GNA14: variants seen among roughly 807,000 people sequenced by gnomAD.
GNA14 encodes G protein subunit alpha 14.
Under a neutral mutation model 42.0 loss-of-function variants are expected in GNA14, and 50 were observed. That is an observed-to-expected ratio of 1.19 (90% CI 0.95 to 1.51). GNA14 has a LOEUF of 1.51. Ranked by LOEUF, GNA14 falls within the 40% of genes most tolerant of loss-of-function variation. The pLI, the probability that GNA14 is intolerant of heterozygous loss-of-function variation, is 0.00. For missense variants in GNA14, 473 were observed against 446.2 expected (o/e 1.06, Z -0.54); for synonymous variants, 173 against 163.1 (o/e 1.06, Z -0.46).
chr9:77,504,491 C>A (rs1251271254), intron 2 of GNA14, among the ~76,000 whole-genome samples: 1 of 150,864 alleles, frequency 6.6e-6, no homozygotes, highest in Non-Finnish European at 1.5e-5. Flanking sequence ...TCAGCCTGTT[C>A]CTCACCAAAA....
At chr9:77,480,681 C>CT (rs1836533796) in intron 2 of GNA14, among the ~76,000 whole-genome samples, 2 of 151,944 alleles carry the variant, frequency 1.3e-5, no homozygotes, top group Admixed American at 1.3e-4. Flanking sequence ...CTGGTCCTGG[C>CT]TTTTTTTGGT....
In GNA14 at chr9:77,645,532, G is replaced by A. The variant is rs575562630; in HGVS notation, c.124+2138C>T. Among the ~76,000 whole-genome samples the A allele has an allele frequency of 1.2e-4, 19 of 152,276 alleles. 1 individual carries two copies. Among genetic ancestry groups the A allele is most frequent in the African/African-American group, 3.9e-4 (16 of 41,546 alleles). ...AAGGGGATATGCTAGTCACAACTCC[G>A]CAAGATGAAAATGGGAGTTTCCAGA... On this transcript the variant is annotated intron_variant, in intron 1 of 6. Coordinates refer to ENST00000341700, the MANE Select transcript of GNA14 (RefSeq NM_004297.4).
intron 2 of GNA14, among the ~76,000 whole-genome samples, chr9:77,444,950 G>A (rs1835791673): frequency 6.6e-6 from 1 of 152,190 alleles, no homozygotes; most frequent in Non-Finnish European, 1.5e-5. Flanking sequence ...TGCCTGCTGG[G>A]AATAGAAATA....
chr9:77,437,169 A>C (rs569871918), intron 2 of GNA14, among the ~76,000 whole-genome samples: 9 of 152,334 alleles, frequency 5.9e-5, no homozygotes, highest in Middle Eastern at 3.4e-3. Context: ...ATGCATTTCT[A>C]TCTCTCCTTC....
At chr9:77,516,781 G>A (rs1039856879) in intron 2 of GNA14, among the ~76,000 whole-genome samples, 3 of 152,162 alleles carry the variant, frequency 2.0e-5, no homozygotes, top group South Asian at 4.1e-4. Flanking sequence ...CCTGGCATGG[G>A]GGTTAGGAAG....
intron 1 of GNA14, among the ~76,000 whole-genome samples, chr9:77,590,328 T>G (rs532624200): frequency 6.2e-4 from 94 of 152,348 alleles, no homozygotes; most frequent in African/African-American, 2.1e-3. Flanking sequence ...GGCTTTGCAC[T>G]GAAGGGGACT....
intron 4 of GNA14, among the ~76,000 whole-genome samples, chr9:77,431,067 AGT>A (rs1835544660): frequency 8.5e-6 from 1 of 117,892 alleles, no homozygotes; most frequent in Admixed American, 9.3e-5. Context: ...TGTGTGTATG[AGT>A]GTGTGTTACA....
intron 2 of GNA14, among the ~76,000 whole-genome samples, chr9:77,492,485 C>A (rs1025220320): frequency 2.6e-5 from 4 of 151,914 alleles, no homozygotes; most frequent in African/African-American, 7.2e-5. Context: ...GGAGACGTAA[C>A]AACTGACATC....
chr9:77,580,165 A>G (rs1823195206), intron 1 of GNA14: 1 of 226,310 alleles, frequency 4.4e-6, no homozygotes, highest in African/African-American at 2.3e-5. Context: ...CTTGGGTCAC[A>G]AACCACACTG....
At chr9:77,507,185 ATC>A (rs1837085492) in intron 2 of GNA14, among the ~76,000 whole-genome samples, 1 of 152,176 alleles carries the variant, frequency 6.6e-6, no homozygotes, top group African/African-American at 2.4e-5. Context: ...CCATCTCACC[ATC>A]TCTTTTAAAA....
chr9:77,463,512 T>C (rs1587776547), intron 2 of GNA14, among the ~76,000 whole-genome samples: 1 of 152,212 alleles, frequency 6.6e-6, no homozygotes, highest in African/African-American at 2.4e-5. Context: ...GGATTAAATC[T>C]AAGAAAATGG....
rs764737417 is a variant in GNA14 at position 77,644,437 on chromosome 9, C to CAAAAAAAAAAAAAAAAAAAAA, written c.124+3212_124+3232dup. ...TACTGAACTCCAACCTAAAGAGTGTCAAAAAAAAAAAAAAAAAAAAAAAAA... is the reference window on the plus strand; with the variant it reads ...TACTGAACTCCAACCTAAAGAGTGTCAAAAAAAAAAAAAAAAAAAAAAAAAAAAAAAAAAAAAAAAAAAAAA... On this transcript the variant is annotated intron_variant, in intron 1 of 6. Transcript: ENST00000341700. Among the ~76,000 whole-genome samples, 6 of 34,022 alleles carry CAAAAAAAAAAAAAAAAAAAAA rather than the reference C, an allele frequency of 1.8e-4. 1 individual carries two copies. Among genetic ancestry groups the CAAAAAAAAAAAAAAAAAAAAA allele is most frequent in the African/African-American group, 2.3e-4 (2 of 8,580 alleles). 22.3% of individuals were successfully genotyped at this position (34,022 alleles called of 152,430 possible).
chr9:77,478,198 C>G (rs1164252273), intron 2 of GNA14, among the ~76,000 whole-genome samples: 2 of 144,968 alleles, frequency 1.4e-5, no homozygotes, highest in Non-Finnish European at 3.0e-5. Context: ...CCACAACAGT[C>G]CCCGGAGTGT....
intron 1 of GNA14, among the ~76,000 whole-genome samples, chr9:77,531,055 C>T (rs1373779546): frequency 6.6e-6 from 1 of 152,182 alleles, no homozygotes; most frequent in African/African-American, 2.4e-5. Flanking sequence ...CTGCTTTAGG[C>T]CCTCAAAGTG....
At chr9:77,471,031 A>G (rs1345571904) in intron 2 of GNA14, among the ~76,000 whole-genome samples, 2 of 152,190 alleles carry the variant, frequency 1.3e-5, no homozygotes, top group African/African-American at 2.4e-5. Flanking sequence ...GAGTCAAACC[A>G]TATCAATCAC....
intron 2 of GNA14, among the ~76,000 whole-genome samples, chr9:77,477,747 CTT>C (rs1836456585): frequency 6.6e-6 from 1 of 152,110 alleles, no homozygotes; most frequent in Non-Finnish European, 1.5e-5. Context: ...TGTTATAAAA[CTT>C]ATAATTATTA....
chr9:77,466,405 A>C (rs1041312345), intron 2 of GNA14, among the ~76,000 whole-genome samples: 3 of 152,170 alleles, frequency 2.0e-5, no homozygotes, highest in African/African-American at 7.2e-5. Flanking sequence ...CCTTTCTAGC[A>C]AGTTTTTAAG....
chr9:77,468,779 G>T (rs1015440654), intron 2 of GNA14, among the ~76,000 whole-genome samples: 8 of 152,190 alleles, frequency 5.3e-5, no homozygotes, highest in Admixed American at 4.6e-4. Context: ...GTTATCCCAG[G>T]TCCTGCACGG....
chr9:77,580,963 AT>A (rs1301457890), intron 1 of GNA14, among the ~76,000 whole-genome samples: 5 of 151,686 alleles, frequency 3.3e-5, no homozygotes, highest in Non-Finnish European at 4.4e-5. Context: ...CTGCCCATTG[AT>A]TTCTTCAGAA....
Sources: gnomAD v4.1 joint callset for allele counts (sites outside exome capture counted in the v4.1 genomes callset) on GRCh38, gnomAD v4.1.1 for gene constraint, MANE v1.5 for transcripts, NCBI Gene and HGNC (gene_info 2026-07-23, HGNC 2026-07-21) for gene names.